The following SPOCK1 variants were observed in gnomAD, a reference collection of about 807,000 sequenced individuals.
SPOCK1 encodes the protein SPARC (osteonectin), cwcv and kazal like domains proteoglycan 1.
In SPOCK1, 23 loss-of-function variants were observed where a neutral mutation model predicts 55.3. The ratio of observed to expected loss-of-function variants is 0.42; its 90% confidence interval spans 0.30 to 0.59. The LOEUF (loss-of-function observed/expected upper bound fraction) is 0.59, where lower values mean the gene tolerates loss of function less well. SPOCK1 is among the 20% of genes least tolerant of loss of function. The pLI is 0.22. For missense variants in SPOCK1, 499 were observed against 552.5 expected, an observed-to-expected ratio of 0.90 and a Z score of 0.97; for synonymous variants, 226 against 221.0, an observed-to-expected ratio of 1.02 and a Z score of -0.20.
chr5:137,374,367 G>A (rs889347282), intron 2 of SPOCK1, among the ~76,000 whole-genome samples: 4 of 152,178 alleles, frequency 2.6e-5, no homozygotes, highest in East Asian at 3.9e-4. Flanking sequence ...AACAAGCCCA[G>A]GTACATAGTG....
At chr5:137,174,889 C>A (rs1346114005) in intron 3 of SPOCK1, among the ~76,000 whole-genome samples, 2 of 152,120 alleles carry the variant, frequency 1.3e-5, no homozygotes, top group African/African-American at 4.8e-5. Flanking sequence ...GCACCATATG[C>A]CCCATGGAGC....
intron 2 of SPOCK1, among the ~76,000 whole-genome samples, chr5:137,432,752 T>G (rs1166808114): frequency 1.3e-5 from 2 of 152,218 alleles, no homozygotes; most frequent in African/African-American, 2.4e-5. Flanking sequence ...TTATATTTTA[T>G]TGCATTTTTA....
intron 6 of SPOCK1, among the ~76,000 whole-genome samples, chr5:136,999,658 T>G (rs896627171): frequency 6.6e-6 from 1 of 152,106 alleles, no homozygotes; most frequent in African/African-American, 2.4e-5. Flanking sequence ...ATCAGTGGGA[T>G]AAAAAACATT....
chr5:136,984,369 C>T (rs1005294185), intron 9 of SPOCK1, among the ~76,000 whole-genome samples: 2 of 123,144 alleles, frequency 1.6e-5, no homozygotes, highest in Non-Finnish European at 3.7e-5. Flanking sequence ...GCATCTGCCT[C>T]TGAATGCTTC....
chr5:137,445,174 C>G (rs1000110176), intron 2 of SPOCK1, among the ~76,000 whole-genome samples: 1 of 152,330 alleles, frequency 6.6e-6, no homozygotes, highest in East Asian at 1.9e-4. Context: ...TCCCCCTTCT[C>G]TATATTTCCT....
chr5:137,305,938 T>G (rs1757694709), intron 2 of SPOCK1, among the ~76,000 whole-genome samples: 2 of 152,208 alleles, frequency 1.3e-5, no homozygotes, highest in Admixed American at 1.3e-4. Flanking sequence ...AGTTAAGACC[T>G]CTCTCTTTCT....
chr5:137,131,990 ATATATAT>A (rs1397002181), intron 4 of SPOCK1, among the ~76,000 whole-genome samples: 14 of 25,430 alleles, frequency 5.5e-4, no homozygotes, highest in South Asian at 1.6e-3. Flanking sequence ...AAAAAAAAAA[ATATATAT>A]ATATATATAT....
chr5:137,123,654 G>C (rs759808746), intron 4 of SPOCK1, among the ~76,000 whole-genome samples: 1 of 152,094 alleles, frequency 6.6e-6, no homozygotes, highest in Non-Finnish European at 1.5e-5. Flanking sequence ...ACCTAAGGAA[G>C]ATAACCCAAA....
intron 3 of SPOCK1, among the ~76,000 whole-genome samples, chr5:137,176,287 C>T (rs1754850830): frequency 6.6e-6 from 1 of 152,150 alleles, no homozygotes; most frequent in Admixed American, 6.5e-5. Context: ...CCATCAAGGT[C>T]ATCTTGAACA....
At chr5:137,459,741 G>A (rs138942969) in intron 2 of SPOCK1, among the ~76,000 whole-genome samples, 2 of 152,216 alleles carry the variant, frequency 1.3e-5, no homozygotes, top group South Asian at 2.1e-4. Context: ...CACTGGAGGA[G>A]ATAAAAAGGT....
At chr5:137,424,215 T>TA (rs200470149) in intron 2 of SPOCK1, among the ~76,000 whole-genome samples, 1,553 of 152,010 alleles carry the variant, frequency 0.01, 23 homozygotes, top group African/African-American at 0.035. Context: ...GGCCTATCTC[T>TA]AAAAAAAACT....
intron 6 of SPOCK1, chr5:136,992,966 T>G (rs1224627205): frequency 6.0e-6 from 1 of 167,358 alleles, no homozygotes. Context: ...GATTACATTT[T>G]CCACTAAACT....
intron 2 of SPOCK1, among the ~76,000 whole-genome samples, chr5:137,327,524 G>A (rs1758101088): frequency 6.6e-6 from 1 of 152,172 alleles, no homozygotes. Flanking sequence ...GATACCAGTG[G>A]TTGAGACTTT....
intron 3 of SPOCK1, among the ~76,000 whole-genome samples, chr5:137,141,913 A>G (rs551274691): frequency 8.5e-5 from 13 of 152,294 alleles, no homozygotes; most frequent in African/African-American, 1.4e-4. Context: ...ATATTGCAAC[A>G]TTTCCTGGAA....
intron 2 of SPOCK1, among the ~76,000 whole-genome samples, chr5:137,303,594 A>G (rs1379390826): frequency 6.6e-6 from 1 of 152,222 alleles, no homozygotes; most frequent in Admixed American, 6.5e-5. Flanking sequence ...TGTATTCAGC[A>G]GACACATAGG....
chr5:137,368,402 T>C (rs1751122610), intron 2 of SPOCK1, among the ~76,000 whole-genome samples: 1 of 152,124 alleles, frequency 6.6e-6, no homozygotes, highest in South Asian at 2.1e-4. Context: ...TGTGACCTGC[T>C]TTGGGGGTCT....
At chr5:137,079,605 C>T (rs188800051) in intron 5 of SPOCK1, among the ~76,000 whole-genome samples, 1 of 150,070 alleles carries the variant, frequency 6.7e-6, no homozygotes, top group South Asian at 2.1e-4. Flanking sequence ...AAGCCCTGAT[C>T]AAAACTCAAG....
chr5:137,374,272 C>G (rs956380558), intron 2 of SPOCK1, among the ~76,000 whole-genome samples: 1 of 152,236 alleles, frequency 6.6e-6, no homozygotes, highest in Non-Finnish European at 1.5e-5. Flanking sequence ...CACATCATAA[C>G]CTCTTTCTGG....
At chr5:137,005,158 A>T (rs17599641) in intron 6 of SPOCK1, among the ~76,000 whole-genome samples, 2 of 152,176 alleles carry the variant, frequency 1.3e-5, no homozygotes, top group Admixed American at 6.5e-5. Flanking sequence ...ATAGGACCAT[A>T]CAGAGGAGCC....
Sources: allele counts gnomAD v4.1 joint callset (sites outside exome capture counted in the v4.1 genomes callset), GRCh38; gene constraint gnomAD v4.1.1; transcripts MANE v1.5; gene names NCBI Gene and HGNC (gene_info 2026-07-23, HGNC 2026-07-21).